The following SGK3 variants were observed in gnomAD, a reference collection of about 807,000 sequenced individuals.
SGK3 encodes the protein serine/threonine-protein kinase Sgk3.
SGK3 carries 47 observed loss-of-function variants against 68.5 expected under a neutral mutation model. The ratio of observed to expected loss-of-function variants is 0.69; its 90% CI spans 0.54 to 0.87. The LOEUF is 0.87. SGK3 is among the 40% of genes least tolerant of loss of function. The pLI is 0.00. For synonymous variants in SGK3, 181 were observed against 189.1 expected, an observed-to-expected ratio of 0.96 and a Z score of 0.35; for missense variants, 479 against 575.5, an observed-to-expected ratio of 0.83 and a Z score of 1.72.
At chr8:66,828,618 A>G (rs1467730429) in intron 6 of SGK3, 36 bp from the exon 7 acceptor site, 1 of 1,612,834 alleles carries the variant, frequency 6.2e-7, no homozygotes, top group Admixed American at 1.7e-5. Context: ...TTGAAGCTCC[A>G]ATAAGAATGT....
intron 1 of SGK3, among the ~76,000 whole-genome samples, chr8:66,776,239 C>A (rs11985572): frequency 0.13 from 19,687 of 152,088 alleles, 2,412 homozygotes; most frequent in African/African-American, 0.32. Flanking sequence ...GTTCCAAATC[C>A]CATCCACAGA....
chr8:66,716,874 G>A (rs912561166), intron 1 of SGK3, among the ~76,000 whole-genome samples: 1 of 152,108 alleles, frequency 6.6e-6, no homozygotes, highest in Non-Finnish European at 1.5e-5. Context: ...CTTTCTTCAA[G>A]CCACTAAGCG....
chr8:66,847,149 A>C (rs146733740), intron 14 of SGK3, 44 bp from the exon 15 acceptor site: 28,663 of 1,577,584 alleles, frequency 0.018, 317 homozygotes, highest in Non-Finnish European at 0.02. Context: ...ATTTGCGCAT[A>C]ATTTGTTTAC....
At chr8:66,786,093 C>G (rs1487488994) in intron 1 of SGK3, among the ~76,000 whole-genome samples, 1 of 152,114 alleles carries the variant, frequency 6.6e-6, no homozygotes, top group Non-Finnish European at 1.5e-5. Context: ...GCTGCCTGGC[C>G]AGAAGATGAT....
At chr8:66,852,308 A>G (rs1810326988) in intron 16 of SGK3, among the ~76,000 whole-genome samples, 1 of 120,788 alleles carries the variant, frequency 8.3e-6, no homozygotes. Context: ...TTTGAGACAG[A>G]GTCTTGCTCT....
rs151123357 is a variant in SGK3, at chr8:66,827,649, T to A, written c.418-1005T>A. On this transcript the variant is annotated intron_variant, in intron 6 of 16. Coordinates refer to ENST00000521198, the MANE Select transcript of SGK3 (RefSeq NM_001033578.3). ...GGATTACTAGATTAATCTGGGATTT[T>A]TGAGTTAAAATTAGAGCTAATTATT... 6.5e-3 allele frequency among the ~76,000 whole-genome samples: 991 copies of A among 152,252 alleles called. 9 individuals carry two copies. The highest frequency in any genetic ancestry group is 0.023 in the African/African-American group (949 of 41,552).
intron 1 of SGK3, among the ~76,000 whole-genome samples, chr8:66,735,406 A>G (rs1805289874): frequency 6.6e-6 from 1 of 152,226 alleles, no homozygotes; most frequent in Non-Finnish European, 1.5e-5. Context: ...CAAATCCTTA[A>G]TGAAAAGGAT....
chr8:66,746,454 T>C (rs1457661304), intron 1 of SGK3, among the ~76,000 whole-genome samples: 3 of 152,150 alleles, frequency 2.0e-5, no homozygotes, highest in Non-Finnish European at 2.9e-5. Context: ...CTCACACCTG[T>C]AGTCCCAGTT....
chr8:66,851,325 C>T (rs1810273932), intron 16 of SGK3, among the ~76,000 whole-genome samples: 3 of 151,906 alleles, frequency 2.0e-5, no homozygotes, highest in Admixed American at 2.0e-4. Flanking sequence ...ACCAGCCTGG[C>T]CAACATGGCG....
Position 66,767,487 on chromosome 8 carries a change from T to C in SGK3, c.-121-26129T>C, listed in dbSNP as rs563365728. 8.7e-6 allele frequency: 13 copies of C among 1,499,138 alleles called. No individual in the cohort carries two copies. In the South Asian group the frequency reaches 1.4e-4, roughly 16 times the overall value. The allele number at this position is 1,499,138 out of a possible 1,614,324, so 92.9% of individuals were successfully genotyped here. ...GAGACTGCAACAGATTGGATTTCCA[T>C]GGTGGAGAGGGCATCTTCAAAGGTG... is the stretch of plus-strand genomic sequence containing the variant. On this transcript the variant is annotated intron_variant, in intron 1 of 16. Transcript: ENST00000521198.
At chr8:66,779,596 ATAT>A (rs564499229) in intron 1 of SGK3, among the ~76,000 whole-genome samples, 7 of 127,212 alleles carry the variant, frequency 5.5e-5, no homozygotes, top group East Asian at 2.1e-4. Context: ...ATATATATAT[ATAT>A]ATAAAACACA....
intron 5 of SGK3, among the ~76,000 whole-genome samples, chr8:66,816,354 T>G (rs1563642716): frequency 6.8e-6 from 1 of 147,656 alleles, no homozygotes; most frequent in East Asian, 2.0e-4. Flanking sequence ...TTTTTTTTTT[T>G]TTTGTGTGTG....
In SGK3 at chr8:66,816,327, GT is replaced by G. The variant is rs546118043; in HGVS notation, c.329+2400del. 5.3e-3 allele frequency among the ~76,000 whole-genome samples: 771 copies of G among 144,626 alleles called. 9 individuals are homozygous for G. The highest frequency in any genetic ancestry group is 0.018 in the African/African-American group (691 of 38,692). 94.9% of individuals were successfully genotyped at this position (144,626 alleles called of 152,430 possible). ...ACTGGCATTTTCTTTTTAGCAAAAT[GT>G]GACATTTCCTTTTTTTTTTTTTTTT... On this transcript the variant is annotated intron_variant, in intron 5 of 16. Coordinates refer to ENST00000521198, the MANE Select transcript of SGK3 (RefSeq NM_001033578.3).
intron 1 of SGK3, among the ~76,000 whole-genome samples, chr8:66,740,417 T>C (rs1300176322): frequency 6.6e-6 from 1 of 152,214 alleles, no homozygotes; most frequent in Non-Finnish European, 1.5e-5. Flanking sequence ...GTAGCTTGAG[T>C]CTCAGCAATT....
intron 16 of SGK3, among the ~76,000 whole-genome samples, chr8:66,852,277 CT>C (rs1204346785): frequency 0.014 from 1,473 of 107,200 alleles, 2 homozygotes; most frequent in African/African-American, 0.017. Context: ...TTAAGGAATC[CT>C]TTTTTTTTTT....
intron 3 of SGK3, among the ~76,000 whole-genome samples, chr8:66,801,891 T>C (rs1807961261): frequency 6.6e-6 from 1 of 152,222 alleles, no homozygotes; most frequent in African/African-American, 2.4e-5. Context: ...TAGCTGGTGA[T>C]TAATTAAATT....
chr8:66,752,892 AG>A lies in SGK3; in HGVS notation c.-122+40060del, dbSNP rs1805864574. 3.9e-5 allele frequency among the ~76,000 whole-genome samples: 6 copies of A among 152,226 alleles called. No homozygotes were observed. In the South Asian group the frequency reaches 1.2e-3, roughly 32 times the overall value. Reference sequence around the variant, plus strand: ...GAGACAGGGTCTCACTCTGTTGTCCAGACTGGAGTACAGTGGCATGATCATG... The same window carrying A: ...GAGACAGGGTCTCACTCTGTTGTCCAACTGGAGTACAGTGGCATGATCATG... On this transcript the variant is annotated intron_variant, in intron 1 of 16. Transcript: ENST00000521198.
At chr8:66,779,120 G>T (rs1247862177) in intron 1 of SGK3, among the ~76,000 whole-genome samples, 1 of 152,054 alleles carries the variant, frequency 6.6e-6, no homozygotes, top group Non-Finnish European at 1.5e-5. Flanking sequence ...TGTGGAGAAA[G>T]GTATATATGC....
chr8:66,847,229 G>T lies in SGK3; in HGVS notation c.1111G>T (p.Asp371Tyr). The T allele has an allele frequency of 6.2e-7, 1 of 1,610,558 alleles. No homozygotes were observed. Among genetic ancestry groups the T allele is most frequent in the South Asian group, 1.1e-5 (1 of 90,596 alleles). The change falls in exon 15 of 17, where the codon GAC (aspartate) becomes TAC (tyrosine). Residue 371 changes from aspartate to tyrosine, a missense_variant. By Grantham distance (160) the Asp-to-Tyr change is radical. Transcript: ENST00000521198. ...FYCRDVAEMY[D>Y]NILHKPLSLR... The stretch of plus-strand genomic sequence containing the variant: ...TTGCCGAGATGTTGCTGAAATGTAT[G>T]ACAATATCCTTCACAAACCCCTAAG...
Sources: gnomAD v4.1 joint callset for allele counts (sites outside exome capture counted in the v4.1 genomes callset) on GRCh38, gnomAD v4.1.1 for gene constraint, MANE v1.5 for transcripts, NCBI Gene and HGNC (gene_info 2026-07-23, HGNC 2026-07-21) for gene names.